Variants in ST6GALNAC3 observed in about 807,000 individuals in gnomAD.
The protein encoded by ST6GALNAC3 is ST6 N-acetylgalactosaminide alpha-2,6-sialyltransferase 3.
A neutral mutation model predicts 32.7 loss-of-function variants in ST6GALNAC3; 25 were observed. That is an observed-to-expected ratio of 0.76 (90% CI 0.56 to 1.07). The LOEUF (loss-of-function observed/expected upper bound fraction) is 1.07, where lower values mean the gene tolerates loss of function less well. Among genes scored for constraint, ST6GALNAC3 ranks in the 50% least tolerant of loss-of-function variants. ST6GALNAC3 has a pLI of 0.00. For synonymous variants in ST6GALNAC3, 129 were observed against 133.1 expected (o/e 0.97, Z 0.21); for missense variants, 355 against 382.4 (o/e 0.93, Z 0.60).
intron 3 of ST6GALNAC3, among the ~76,000 whole-genome samples, chr1:76,508,723 G>T (rs1661642212): frequency 1.3e-5 from 2 of 152,122 alleles, no homozygotes; most frequent in South Asian, 4.1e-4. Context: ...TCATCAGGTA[G>T]CATATACTCT....
intron 1 of ST6GALNAC3, among the ~76,000 whole-genome samples, chr1:76,163,515 GA>G (rs1651936067): frequency 6.6e-6 from 1 of 152,104 alleles, no homozygotes; most frequent in Non-Finnish European, 1.5e-5. Flanking sequence ...CAGTTACCTT[GA>G]ATAAAAAATG....
intron 1 of ST6GALNAC3, among the ~76,000 whole-genome samples, chr1:76,262,642 G>A (rs1311373907): frequency 6.6e-6 from 1 of 152,124 alleles, no homozygotes; most frequent in Non-Finnish European, 1.5e-5. Context: ...TATTGTAGTC[G>A]TTAGACATTG....
chr1:76,405,458 A>G (rs1429673005), intron 2 of ST6GALNAC3, among the ~76,000 whole-genome samples: 1 of 152,112 alleles, frequency 6.6e-6, no homozygotes, highest in Non-Finnish European at 1.5e-5. Context: ...TATATCACTC[A>G]GAAAGGATAG....
chr1:76,275,987 A>T (rs891017338), intron 1 of ST6GALNAC3, among the ~76,000 whole-genome samples: 1 of 152,086 alleles, frequency 6.6e-6, no homozygotes, highest in Non-Finnish European at 1.5e-5. Context: ...CTATTCCTTT[A>T]TGAAGGGGAA....
intron 3 of ST6GALNAC3, among the ~76,000 whole-genome samples, chr1:76,494,649 GCACACACACACACA>G (rs35632611): frequency 1.5e-5 from 1 of 67,702 alleles, no homozygotes; most frequent in African/African-American, 6.5e-5. Flanking sequence ...ATGTGTATGC[GCACACACACACACA>G]CACACACACA....
chr1:76,096,484 G>T (rs1219096026), intron 1 of ST6GALNAC3, among the ~76,000 whole-genome samples: 2 of 152,008 alleles, frequency 1.3e-5, no homozygotes, highest in Non-Finnish European at 2.9e-5. Context: ...GAATACTATA[G>T]CTTTGCCTCT....
At chr1:76,299,765 A>T (rs1488197401) in intron 1 of ST6GALNAC3, among the ~76,000 whole-genome samples, 1 of 152,020 alleles carries the variant, frequency 6.6e-6, no homozygotes, top group African/African-American at 2.4e-5. Context: ...ATACTGAATA[A>T]ATCTGAATAT....
At chr1:76,160,695 G>C (rs1651750828) in intron 1 of ST6GALNAC3, among the ~76,000 whole-genome samples, 1 of 152,192 alleles carries the variant, frequency 6.6e-6, no homozygotes, top group Non-Finnish European at 1.5e-5. Flanking sequence ...CCATCACGGA[G>C]AAAATCTTGG....
chr1:76,191,082 G>A (rs11162099), intron 1 of ST6GALNAC3, among the ~76,000 whole-genome samples: 16,296 of 152,170 alleles, frequency 0.11, 1,013 homozygotes, highest in Non-Finnish European at 0.14. Flanking sequence ...ACCACTGAAT[G>A]GGGAATACCT....
At chr1:76,539,783 A>G (rs1196030736) in intron 3 of ST6GALNAC3, among the ~76,000 whole-genome samples, 2 of 152,232 alleles carry the variant, frequency 1.3e-5, no homozygotes, top group Non-Finnish European at 2.9e-5. Flanking sequence ...CATCAGAGAA[A>G]TGCAAATCAA....
intron 1 of ST6GALNAC3, among the ~76,000 whole-genome samples, chr1:76,077,841 A>G (rs1481476882): frequency 6.6e-6 from 1 of 152,216 alleles, no homozygotes; most frequent in Non-Finnish European, 1.5e-5. Context: ...TCAATATGCC[A>G]AAGTGATATA....
intron 1 of ST6GALNAC3, among the ~76,000 whole-genome samples, chr1:76,156,739 G>A (rs1182658997): frequency 1.3e-5 from 2 of 152,098 alleles, no homozygotes; most frequent in Non-Finnish European, 2.9e-5. Flanking sequence ...AAAAGCCCTG[G>A]CCTTTTTTTT....
At chr1:76,277,325 T>C (rs1300317690) in intron 1 of ST6GALNAC3, among the ~76,000 whole-genome samples, 1 of 151,854 alleles carries the variant, frequency 6.6e-6, no homozygotes, top group Non-Finnish European at 1.5e-5. Context: ...GGCAGTGTGG[T>C]ACTGACACAA....
intron 1 of ST6GALNAC3, among the ~76,000 whole-genome samples, chr1:76,092,838 C>T (rs1167080136): frequency 6.6e-6 from 1 of 152,150 alleles, no homozygotes; most frequent in African/African-American, 2.4e-5. Flanking sequence ...TGCCTGGCGT[C>T]CAGCGTGACT....
intron 3 of ST6GALNAC3, among the ~76,000 whole-genome samples, chr1:76,538,995 T>G (rs541317803): frequency 6.6e-6 from 1 of 152,148 alleles, no homozygotes; most frequent in Non-Finnish European, 1.5e-5. Context: ...TTGATGTTCT[T>G]CATCGAATGA....
At chr1:76,140,602 CTCTTTCTTTCTTTCTTT>C (rs1365452153) in intron 1 of ST6GALNAC3, among the ~76,000 whole-genome samples, 1 of 148,760 alleles carries the variant, frequency 6.7e-6, no homozygotes, top group African/African-American at 2.5e-5. Flanking sequence ...AAGACTGGGG[CTCTTTCTTTCTTTCTTT>C]TCTTTCTTTC....
intron 1 of ST6GALNAC3, among the ~76,000 whole-genome samples, chr1:76,159,423 A>T (rs1482600526): frequency 6.6e-6 from 1 of 152,146 alleles, no homozygotes; most frequent in Non-Finnish European, 1.5e-5. Context: ...GCCTCAAGTG[A>T]TCTGCCTGCC....
chr1:76,508,577 C>T (rs1046515641), intron 3 of ST6GALNAC3, among the ~76,000 whole-genome samples: 12 of 152,112 alleles, frequency 7.9e-5, no homozygotes, highest in East Asian at 1.9e-4. Flanking sequence ...CATAACCCCC[C>T]GGAGTCTACC....
intron 2 of ST6GALNAC3, among the ~76,000 whole-genome samples, chr1:76,373,273 G>T (rs1650976129): frequency 6.6e-6 from 1 of 152,182 alleles, no homozygotes; most frequent in Admixed American, 6.5e-5. Flanking sequence ...ATGACATGGG[G>T]CATGTCGCTT....
Sources: allele counts gnomAD v4.1 joint callset (sites outside exome capture counted in the v4.1 genomes callset), GRCh38; gene constraint gnomAD v4.1.1; transcripts MANE v1.5; gene names NCBI Gene and HGNC (gene_info 2026-07-23, HGNC 2026-07-21).